The following FGFR2 variants were observed in gnomAD, a reference collection of about 807,000 sequenced individuals.
FGFR2 encodes fibroblast growth factor receptor 2, also known as BEK fibroblast growth factor receptor.
A neutral mutation model predicts 95.9 loss-of-function variants in FGFR2; 19 were observed. The observed-to-expected ratio is 0.20, with a 90% CI of 0.14 to 0.29. FGFR2 has a LOEUF of 0.29. FGFR2 is among the 10% of genes least tolerant of loss of function. The probability of loss-of-function intolerance (pLI) is 1.00; values close to 1 mark genes in which losing one functional copy is unlikely to be tolerated. For synonymous variants in FGFR2, 392 were observed against 393.3 expected, an observed-to-expected ratio of 1.00 and a Z score of 0.04; for missense variants, 707 against 1,056.9, an observed-to-expected ratio of 0.67 and a Z score of 4.59.
At chr10:121,532,770 G>C (rs112452970) in intron 6 of FGFR2, among the ~76,000 whole-genome samples, 2 of 152,116 alleles carry the variant, frequency 1.3e-5, no homozygotes, top group South Asian at 4.1e-4. Flanking sequence ...CTCCACATTC[G>C]AGCTTATCAG....
chr10:121,520,934 C>T (rs1355458910), intron 6 of FGFR2, among the ~76,000 whole-genome samples: 2 of 152,260 alleles, frequency 1.3e-5, no homozygotes, highest in African/African-American at 4.8e-5. Flanking sequence ...TGAGCCACCA[C>T]GCTCGGCTCC....
rs553228139 is a variant in FGFR2, at chr10:121,589,724, T to C, written c.109+3985A>G. On this transcript the variant is annotated intron_variant, in intron 2 of 17. Coordinates refer to ENST00000358487, the MANE Select transcript of FGFR2 (RefSeq NM_000141.5). ...AATTGTGAAACACTTTATATACTAA[T>C]AAAGAATGTGTACTTCATTGTGTAT... Among the ~76,000 whole-genome samples, 10 of 152,364 alleles carry C rather than the reference T, an allele frequency of 6.6e-5. No homozygotes were observed. The East Asian group carries it at 1.9e-3, about 29-fold the overall frequency.
intron 13 of FGFR2, among the ~76,000 whole-genome samples, chr10:121,491,102 C>T (rs1645942929): frequency 6.6e-6 from 1 of 152,210 alleles, no homozygotes. Context: ...GAAGAATGTG[C>T]TTCCCACGCA....
At chr10:121,555,566 C>A (rs1856023472) in intron 4 of FGFR2, among the ~76,000 whole-genome samples, 1 of 152,106 alleles carries the variant, frequency 6.6e-6, no homozygotes, top group Non-Finnish European at 1.5e-5. Context: ...AACAAATTAA[C>A]CTCGATGAGA....
intron 2 of FGFR2, among the ~76,000 whole-genome samples, chr10:121,586,449 G>A (rs1861843908): frequency 1.3e-5 from 2 of 152,178 alleles, no homozygotes; most frequent in Admixed American, 1.3e-4. Context: ...GGGGTTAAAG[G>A]AAAGAATATA....
Position 121,518,904 on chromosome 10 carries a change from C to G in FGFR2, c.939+1075G>C, listed in dbSNP as rs2134290449. The G allele has an allele frequency of 1.3e-6, 2 of 1,575,378 alleles. No individual in the cohort carries two copies. The highest frequency in any genetic ancestry group is 1.7e-6 in the Non-Finnish European group (2 of 1,146,270). On this transcript the variant is annotated intron_variant, in intron 7 of 17. Coordinates refer to ENST00000358487, the MANE Select transcript of FGFR2 (RefSeq NM_000141.5). The surrounding 1 kb of genome is among the most constrained non-coding windows in gnomAD (Gnocchi z 4.0). ...GCATTGTCTATGGTCCCACCACCAA[C>G]ACACCGCAAGAAAACAAACTCCATT...
At chr10:121,503,982 CATCT>C (rs1847946936) in intron 9 of FGFR2, 41 bp from the exon 10 acceptor site, 1 of 1,611,686 alleles carries the variant, frequency 6.2e-7, no homozygotes, top group Non-Finnish European at 8.5e-7. Context: ...ATCCTGGCTC[CATCT>C]GAGAAGGCTG....
rs1298044345 is a variant in FGFR2, at chr10:121,518,082, C to T, written c.940-619G>A. The T allele has an allele frequency of 2.0e-6, 1 of 487,922 alleles. No homozygotes were observed. Among genetic ancestry groups the T allele is most frequent in the South Asian group, 1.6e-5 (1 of 64,456 alleles). 30.2% of individuals were successfully genotyped at this position (487,922 alleles called of 1,614,324 possible). A position where few individuals can be genotyped will look rare whatever the true frequency, so the allele number is the denominator to read the frequency against. ...AAAAAAACTGGGCTTTTTCTCTTTT[C>T]ATTAATAAACATTTGGATGTGAGTC... is the stretch of plus-strand genomic sequence containing the variant. On this transcript the variant is annotated intron_variant, in intron 7 of 17. Transcript: ENST00000358487. The surrounding 1 kb of genome is among the most constrained non-coding windows in gnomAD (Gnocchi z 4.0).
intron 6 of FGFR2, among the ~76,000 whole-genome samples, chr10:121,534,386 C>T (rs1043618239): frequency 8.6e-5 from 13 of 150,638 alleles, no homozygotes; most frequent in Admixed American, 6.0e-4. Context: ...TGTGAGCCAC[C>T]GCGCCCGGCT....
intron 17 of FGFR2, among the ~76,000 whole-genome samples, chr10:121,482,979 T>TTTTTTTTTTTTG (rs1844951660): frequency 6.6e-6 from 1 of 152,138 alleles, no homozygotes; most frequent in Non-Finnish European, 1.5e-5. Context: ...GTATTTTTAG[T>TTTTTTTTTTTTG]AGAGACAGGG....
rs910990866 is a variant in FGFR2, at chr10:121,511,159, G to A, written c.1287+3958C>T. ...TACCTATATCAGCAGCTGAGAAGGT[G>A]AAACTAAAGTCTGAAAAAAACAAAA... On this transcript the variant is annotated intron_variant, in intron 9 of 17. Transcript: ENST00000358487. Among the ~76,000 whole-genome samples the A allele has an allele frequency of 5.9e-5, 9 of 151,282 alleles. No individual in the cohort carries two copies. In the South Asian group the frequency reaches 1.5e-3, roughly 25 times the overall value.
chr10:121,564,661 C>T, intron 3 of FGFR2, 82 bp from the exon 4 acceptor site: 1 of 1,269,740 alleles, frequency 7.9e-7, no homozygotes, highest in Non-Finnish European at 1.1e-6. Context: ...AGACCTTCTC[C>T]ATAGCAAAGT....
chr10:121,498,470 G>A (rs1476198528), intron 12 of FGFR2, 25 bp downstream of exon 12: 4 of 1,404,964 alleles, frequency 2.8e-6, no homozygotes, highest in Non-Finnish European at 3.0e-6. Flanking sequence ...GTATTTGGGC[G>A]AATGCAGTTT....
chr10:121,533,129 C>A lies in FGFR2; in HGVS notation c.748+5463G>T, dbSNP rs534472965. The stretch of plus-strand genomic sequence containing the variant: ...AAAGACCGGGCACGGTGGCTCATGC[C>A]TGTAATCTTGGCACTTTGGGAGGCC... On this transcript the variant is annotated intron_variant, in intron 6 of 17. Coordinates refer to ENST00000358487, the MANE Select transcript of FGFR2 (RefSeq NM_000141.5). 4.6e-5 allele frequency among the ~76,000 whole-genome samples: 7 copies of A among 152,322 alleles called. 1 individual carries two copies. The highest frequency in any genetic ancestry group is 1.7e-4 in the African/African-American group (7 of 41,572).
chr10:121,590,239 C>T (rs1862438193), intron 2 of FGFR2, among the ~76,000 whole-genome samples: 1 of 152,142 alleles, frequency 6.6e-6, no homozygotes, highest in Non-Finnish European at 1.5e-5. Context: ...AAAGCCCTTT[C>T]ATTTTAGCTC....
At chr10:121,580,117 G>T (rs897855513) in intron 2 of FGFR2, among the ~76,000 whole-genome samples, 2 of 152,134 alleles carry the variant, frequency 1.3e-5, no homozygotes, top group Non-Finnish European at 2.9e-5. Flanking sequence ...CCCACACTGC[G>T]CACTTTCTGA....
chr10:121,534,941 A>C (rs536047788), intron 6 of FGFR2, among the ~76,000 whole-genome samples: 48 of 152,308 alleles, frequency 3.2e-4, no homozygotes, highest in African/African-American at 9.9e-4. Context: ...GGAAACTAGG[A>C]ATGTGACCTT....
At position 121,518,723 on chromosome 10, in the gene FGFR2, G is replaced by A. The variant is rs1303574940; in HGVS notation, c.939+1256C>T. ...GACAGTGAGCCAGGCAGACTGGTTG[G>A]CCTGCCCTATATAATTGGAGACCTT... On this transcript the variant is annotated intron_variant, in intron 7 of 17. Transcript: ENST00000358487. This position sits in a 1 kb window ranked among gnomAD's most constrained non-coding sequence, Gnocchi z 4.0. 6.2e-7 allele frequency: 1 copy of A among 1,614,170 alleles called. No homozygotes were observed. Among genetic ancestry groups the A allele is most frequent in the Non-Finnish European group, 8.5e-7 (1 of 1,180,022 alleles).
intron 2 of FGFR2, among the ~76,000 whole-genome samples, chr10:121,569,130 G>A (rs202180777): frequency 5.3e-5 from 8 of 152,062 alleles, no homozygotes; most frequent in Non-Finnish European, 7.4e-5. Flanking sequence ...TCTTCAAGGC[G>A]GAAGATGCTT....
Sources: allele counts gnomAD v4.1 joint callset (sites outside exome capture counted in the v4.1 genomes callset), GRCh38; gene constraint gnomAD v4.1.1; non-coding constraint Gnocchi (gnomAD v3.1); transcripts MANE v1.5; gene names NCBI Gene and HGNC (gene_info 2026-07-23, HGNC 2026-07-21).